DRD4: variants seen among roughly 807,000 people sequenced by gnomAD.
DRD4 encodes D(4) dopamine receptor.
DRD4 carries 26 observed loss-of-function variants against 22.1 expected under a neutral mutation model. That is an observed-to-expected ratio of 1.17 (90% CI 0.86 to 1.63). The LOEUF (loss-of-function observed/expected upper bound fraction) is 1.63, where lower values mean the gene tolerates loss of function less well. DRD4 is among the 40% of genes most tolerant of loss of function. The pLI, the probability that DRD4 is intolerant of heterozygous loss-of-function variation, is 0.00. For missense variants in DRD4, 913 were observed against 632.4 expected (o/e 1.44, Z -4.76); for synonymous variants, 455 against 306.7 (o/e 1.48, Z -5.05).
Position 639,836 on chromosome 11 carries a change from C to T in DRD4, c.587C>T (p.Ser196Leu), listed in dbSNP as rs777337511. ...GAGGACCGCGACTACGTGGTCTACTCGTCCGTGTGCTCCTTCTTCCTACCC... is the reference window on the plus strand; with the variant it reads ...GAGGACCGCGACTACGTGGTCTACTTGTCCGTGTGCTCCTTCTTCCTACCC... ...RLEDRDYVVY[S>L]SVCSFFLPCP... is the part of the protein sequence containing the mutation. The change falls in exon 3 of 4, where the codon TCG (serine) becomes TTG (leucine). Residue 196 changes from serine (S) to leucine (L), a missense_variant. Physicochemically the swap from Ser to Leu is moderately radical, Grantham distance 145 (BLOSUM62 -2). Coordinates refer to ENST00000176183, the MANE Select transcript of DRD4 (RefSeq NM_000797.4). 8 of 1,585,126 alleles carry T rather than the reference C, an allele frequency of 5.0e-6. No individual in the cohort carries two copies. The highest frequency in any genetic ancestry group is 2.2e-5 in the South Asian group (2 of 89,874).
At chr11:638,354 G>C (rs1001855770) in intron 1 of DRD4, among the ~76,000 whole-genome samples, 1 of 152,154 alleles carries the variant, frequency 6.6e-6, no homozygotes, top group African/African-American at 2.4e-5. Flanking sequence ...CAGGCGGCTG[G>C]GGCAGAGACC....
At position 640,214 on chromosome 11, in the gene DRD4, C is replaced by A; in HGVS notation, c.965C>A (p.Pro322Gln). ...PPDAVRAAAL[P>Q]PQTPPQTRRR... ...GACGCCGTCAGAGCCGCCGCGCTCC[C>A]ACCCCAGACTCCACCGCAGACCCGC... The change falls in exon 3 of 4, where the codon CCA becomes CAA. Residue 322 changes from proline to glutamine, a missense_variant. Transcript: ENST00000176183. The A allele has an allele frequency of 6.5e-7, 1 of 1,532,024 alleles. No individual in the cohort carries two copies. Among genetic ancestry groups the A allele is most frequent in the Admixed American group, 2.0e-5 (1 of 50,834 alleles). 94.9% of individuals were successfully genotyped at this position (1,532,024 alleles called of 1,614,324 possible).
chr11:637,723 C>A, intron 1 of DRD4, 134 bp downstream of exon 1: 8 of 1,474,112 alleles, frequency 5.4e-6, no homozygotes, highest in Non-Finnish European at 7.3e-6. Context: ...AGGGGCGCTG[C>A]GCCTTGTCCC....
chr11:639,345 A>T, intron 1 of DRD4, 88 bp from the exon 2 acceptor site: 1 of 1,269,588 alleles, frequency 7.9e-7, no homozygotes, highest in Non-Finnish European at 1.1e-6. Context: ...CTCCGTATTC[A>T]GCCCTGGAAC....
In DRD4 at chr11:640,260, C is replaced by T. The variant is rs1260832764; in HGVS notation, c.1011C>T (p.Ile337=). Residue 337 remains isoleucine, a synonymous_variant, in exon 3 of 4, where the codon ATC becomes ATT. Coordinates refer to ENST00000176183, the MANE Select transcript of DRD4 (RefSeq NM_000797.4). ...CCCGCAGGAGGCGGCGTGCCAAGAT[C>T]ACCGGCCGGGAGCGCAAGGCCATGA... ...PQTRRRRRAK[I]TGRERKAMRV... 1.3e-6 allele frequency: 2 copies of T among 1,533,700 alleles called. No individual in the cohort carries two copies. The highest frequency in any genetic ancestry group is 2.0e-5 in the Admixed American group (1 of 51,008).
intron 1 of DRD4, 77 bp downstream of exon 1, chr11:637,666 G>C (rs555127514): frequency 2.0e-6 from 3 of 1,532,364 alleles, no homozygotes; most frequent in African/African-American, 2.7e-5. Context: ...AGGACCCGGC[G>C]CGACCCGGCC....
chr11:637,472 C>G lies in DRD4; in HGVS notation c.168C>G (p.Cys56Trp). 1 of 1,539,024 alleles carries G rather than the reference C, an allele frequency of 6.5e-7. No homozygotes were observed. The highest frequency in any genetic ancestry group is 8.7e-7 in the Non-Finnish European group (1 of 1,148,134). Residue 56 changes from cysteine (C) to tryptophan (W), a missense_variant, in exon 1 of 4, where the codon TGC becomes TGG. Transcript: ENST00000176183. ...TGCTCGCGGGGAACTCGCTCGTGTGCGTGAGCGTGGCCACCGAGCGCGCCC... is the reference window on the plus strand; with the variant it reads ...TGCTCGCGGGGAACTCGCTCGTGTGGGTGAGCGTGGCCACCGAGCGCGCCC... ...GAVLAGNSLV[C>W]VSVATERALQ...
rs746193982 is a variant in DRD4, at chr11:640,398, C to A, written c.1058-3C>A. On this transcript the variant is annotated splice_region_variant and splice_polypyrimidine_tract_variant and intron_variant, in intron 3 of 3. Coordinates refer to ENST00000176183, the MANE Select transcript of DRD4 (RefSeq NM_000797.4). ...GCGCTAACGCGGCTCTCGGCGCCCC[C>A]AGGGGCCTTCCTGCTGTGCTGGACG... The A allele has an allele frequency of 1.3e-6, 2 of 1,598,430 alleles. No homozygotes were observed. Among genetic ancestry groups the A allele is most frequent in the Non-Finnish European group, 1.7e-6 (2 of 1,179,382 alleles).
rs1239529954 is a variant in DRD4 at position 637,445 on chromosome 11, G to C, written c.141G>C (p.Ala47=). 3.9e-6 allele frequency: 6 copies of C among 1,533,150 alleles called. No individual in the cohort carries two copies. Among genetic ancestry groups the C allele is most frequent in the Non-Finnish European group, 3.5e-6 (4 of 1,145,648 alleles). The allele number at this position is 1,533,150 out of a possible 1,614,324, so 95.0% of individuals were successfully genotyped here. The change falls in exon 1 of 4, where the codon GCG becomes GCC. Residue 47 remains alanine, a synonymous_variant. Transcript: ENST00000176183. ...ALVGGVLLIG[A]VLAGNSLVCV... ...TGGGGGGCGTGCTGCTCATCGGCGC[G>C]GTGCTCGCGGGGAACTCGCTCGTGT...
chr11:637,468 T>C lies in DRD4; in HGVS notation c.164T>C (p.Val55Ala). 2 of 1,537,924 alleles carry C rather than the reference T, an allele frequency of 1.3e-6. No homozygotes were observed. Among genetic ancestry groups the C allele is most frequent in the Non-Finnish European group, 1.7e-6 (2 of 1,147,638 alleles). ...GCGGTGCTCGCGGGGAACTCGCTCGTGTGCGTGAGCGTGGCCACCGAGCGC... is the reference window on the plus strand; with the variant it reads ...GCGGTGCTCGCGGGGAACTCGCTCGCGTGCGTGAGCGTGGCCACCGAGCGC... ...IGAVLAGNSL[V>A]CVSVATERAL... Residue 55 changes from valine (V) to alanine (A), a missense_variant, in exon 1 of 4, where the codon GTG (valine) becomes GCG (alanine). Coordinates refer to ENST00000176183, the MANE Select transcript of DRD4 (RefSeq NM_000797.4).
At chr11:638,760 G>A (rs764608448) in intron 1 of DRD4, among the ~76,000 whole-genome samples, 2 of 152,060 alleles carry the variant, frequency 1.3e-5, no homozygotes, top group African/African-American at 2.4e-5. Flanking sequence ...TATCAGGCCC[G>A]CCCCCAGGGA....
In DRD4 at chr11:639,691, G is replaced by A. The variant is rs1260294107; in HGVS notation, c.442G>A (p.Gly148Arg). ...AVPLRYNRQGGSRRQLLLIGA... is the reference protein window; with the variant it reads ...AVPLRYNRQGRSRRQLLLIGA... The stretch of plus-strand genomic sequence containing the variant: ...GCCGCTGCGCTACAACCGGCAGGGT[G>A]GGAGCCGCCGGCAGCTGCTGCTCAT... Residue 148 changes from glycine to arginine, a missense_variant, in exon 3 of 4, where the codon GGG becomes AGG. Coordinates refer to ENST00000176183, the MANE Select transcript of DRD4 (RefSeq NM_000797.4). 4 of 1,479,132 alleles carry A rather than the reference G, an allele frequency of 2.7e-6. No individual in the cohort carries two copies. The highest frequency in any genetic ancestry group is 5.7e-5 in the East Asian group (2 of 35,006). 91.6% of individuals were successfully genotyped at this position (1,479,132 alleles called of 1,614,324 possible).
At chr11:638,452 G>T (rs1043779844) in intron 1 of DRD4, among the ~76,000 whole-genome samples, 2 of 152,190 alleles carry the variant, frequency 1.3e-5, no homozygotes, top group African/African-American at 4.8e-5. Flanking sequence ...CCCCAAATCG[G>T]CGGGAAGGAT....
In DRD4 at chr11:640,250, G is replaced by A. The variant is rs571849183; in HGVS notation, c.1001G>A (p.Arg334His). The A allele has an allele frequency of 3.3e-6, 5 of 1,533,222 alleles. No individual in the cohort carries two copies. The highest frequency in any genetic ancestry group is 2.4e-5 in the East Asian group (1 of 40,918). 95.0% of individuals were successfully genotyped at this position (1,533,222 alleles called of 1,614,324 possible). A position where few individuals can be genotyped will look rare whatever the true frequency, so the allele number is the denominator to read the frequency against. ...CCACCGCAGACCCGCAGGAGGCGGC[G>A]TGCCAAGATCACCGGCCGGGAGCGC... ...QTPPQTRRRR[R>H]AKITGRERKA... The change falls in exon 3 of 4, where the codon CGT becomes CAT. Residue 334 changes from arginine to histidine, a missense_variant. Physicochemically the swap from Arg to His is conservative, Grantham distance 29. Transcript: ENST00000176183.
In DRD4 at chr11:639,951, G is replaced by GC; in HGVS notation, c.706dup (p.Arg236ProfsTer214). ...GTCGCGCCAAGCTGCACGGCCGCGC[G>GC]CCCCGCCGACCCAGCGGCCCTGGCC... On this transcript the variant is annotated frameshift_variant, in exon 3 of 4. Transcript: ENST00000176183. LOFTEE classifies it high-confidence loss of function. 6.7e-7 allele frequency: 1 copy of GC among 1,500,150 alleles called. No individual in the cohort carries two copies. Among genetic ancestry groups the GC allele is most frequent in the Non-Finnish European group, 8.8e-7 (1 of 1,131,278 alleles). The allele number at this position is 1,500,150 out of a possible 1,614,324, so 92.9% of individuals were successfully genotyped here. A position where few individuals can be genotyped will look rare whatever the true frequency, so the allele number is the denominator to read the frequency against.
At chr11:638,001 A>G (rs869053618) in intron 1 of DRD4, among the ~76,000 whole-genome samples, 1 of 149,008 alleles carries the variant, frequency 6.7e-6, no homozygotes. Flanking sequence ...ACACACACAC[A>G]CACTGCCACA....
chr11:637,971 C>T (rs1362097484), intron 1 of DRD4, among the ~76,000 whole-genome samples: 1 of 116,198 alleles, frequency 8.6e-6, no homozygotes, highest in Non-Finnish European at 1.8e-5. Context: ...AGGCTCAGCC[C>T]CCTGGCTGCC....
chr11:640,360 G>A (rs1453665867), intron 3 of DRD4, 41 bp from the exon 4 acceptor site: 1 of 1,579,070 alleles, frequency 6.3e-7, no homozygotes. Context: ...GTACGAGGCC[G>A]GCTGGGCGGG....
chr11:637,646 G>C, intron 1 of DRD4, 57 bp downstream of exon 1: 2 of 1,535,262 alleles, frequency 1.3e-6, no homozygotes, highest in Non-Finnish European at 1.7e-6. Flanking sequence ...CCCCGTCCCT[G>C]TCCCTACGGA....
Sources: allele counts gnomAD v4.1 joint callset (sites outside exome capture counted in the v4.1 genomes callset), GRCh38; gene constraint gnomAD v4.1.1; transcripts MANE v1.5; gene names NCBI Gene and HGNC (gene_info 2026-07-23, HGNC 2026-07-21).